Variants in ATP5PO observed in about 807,000 individuals in gnomAD.
The protein encoded by ATP5PO is ATP synthase peripheral stalk subunit OSCP.
Under a neutral mutation model 26.2 loss-of-function variants are expected in ATP5PO, and 14 were observed. The observed-to-expected ratio is 0.53, with a 90% CI of 0.35 to 0.83. ATP5PO has a LOEUF of 0.83. Ranked by LOEUF, ATP5PO falls within the 40% of genes least tolerant of loss-of-function variation. ATP5PO has a pLI of 0.01. For synonymous variants in ATP5PO, 106 were observed against 95.1 expected (o/e 1.12, Z -0.67); for missense variants, 241 against 258.5 (o/e 0.93, Z 0.46).
At chr21:33,914,069 C>T (rs1203404321) in intron 2 of ATP5PO, among the ~76,000 whole-genome samples, 3 of 152,020 alleles carry the variant, frequency 2.0e-5, no homozygotes, top group South Asian at 4.1e-4. Flanking sequence ...TGAGCCACCG[C>T]GCCCAGCCCG....
chr21:33,908,626 C>T (rs1987206668), intron 4 of ATP5PO, among the ~76,000 whole-genome samples: 1 of 151,978 alleles, frequency 6.6e-6, no homozygotes, highest in Non-Finnish European at 1.5e-5. Context: ...GGAGGATCAC[C>T]TGAGTCTGGG....
chr21:33,913,332 G>A (rs1201428306), intron 2 of ATP5PO, among the ~76,000 whole-genome samples: 1 of 152,148 alleles, frequency 6.6e-6, no homozygotes, highest in East Asian at 1.9e-4. Flanking sequence ...TCCTTTACAC[G>A]ATTTTTCCAA....
chr21:33,909,687 T>G (rs1425019709), intron 3 of ATP5PO, among the ~76,000 whole-genome samples: 3 of 152,204 alleles, frequency 2.0e-5, no homozygotes, highest in Non-Finnish European at 4.4e-5. Context: ...CACTGTGCAC[T>G]GCACCAGGAT....
chr21:33,914,212 T>C (rs551988410), intron 2 of ATP5PO, among the ~76,000 whole-genome samples: 9 of 151,652 alleles, frequency 5.9e-5, no homozygotes, highest in Non-Finnish European at 1.0e-4. Flanking sequence ...AGAGGGTTAA[T>C]GGAAAAACAA....
intron 2 of ATP5PO, among the ~76,000 whole-genome samples, chr21:33,913,984 C>T (rs7276986): frequency 0.013 from 1,936 of 152,056 alleles, 39 homozygotes; most frequent in African/African-American, 0.045. Flanking sequence ...TTCATCATGT[C>T]GGCCAGGCTG....
rs1463202256 is a variant in ATP5PO, at chr21:33,911,291, A to C, written c.198+998T>G. ...GCTTTTCATGTTTAAAAAAAAAAGT[A>C]AAAAACATCTTGCAGCAGCCTCACA... On this transcript the variant is annotated intron_variant, in intron 3 of 6. Transcript: ENST00000290299. 3.3e-5 allele frequency among the ~76,000 whole-genome samples: 5 copies of C among 152,316 alleles called. No homozygotes were observed. The South Asian group carries it at 1.0e-3, about 32-fold the overall frequency.
intron 3 of ATP5PO, among the ~76,000 whole-genome samples, chr21:33,911,202 C>T (rs925175487): frequency 2.0e-5 from 3 of 152,076 alleles, no homozygotes; most frequent in South Asian, 2.1e-4. Context: ...TCGGTGAAAA[C>T]GAAAGCAGAC....
chr21:33,907,296 C>A (rs757817771), intron 5 of ATP5PO, 45 bp downstream of exon 5: 2 of 1,497,016 alleles, frequency 1.3e-6, no homozygotes, highest in East Asian at 2.3e-5. Flanking sequence ...AAAGGTGACA[C>A]ATGTAATATC....
At chr21:33,914,828 T>G (rs1221170848) in intron 1 of ATP5PO, 1 of 257,970 alleles carries the variant, frequency 3.9e-6, no homozygotes, top group Non-Finnish European at 7.5e-6. Flanking sequence ...AATTTTGGCG[T>G]TTCTATTAAC....
chr21:33,909,096 G>C lies in ATP5PO; in HGVS notation c.314C>G (p.Thr105Ser). 6.2e-7 allele frequency: 1 copy of C among 1,611,302 alleles called. No homozygotes were observed. Residue 105 changes from threonine to serine, a missense_variant, in exon 4 of 7, where the codon ACT (threonine) becomes AGT (serine). By Grantham distance (58) the Thr-to-Ser change is moderately conservative (BLOSUM62 1). Coordinates refer to ENST00000290299, the MANE Select transcript of ATP5PO (RefSeq NM_001697.3). ...CTAATACTCACTGATCAGATTGGTA[G>C]TGAGGGGAGAGAACCTCTCTTTTGC... ...ITAKERFSPLTTNLINLLAEN... is the reference protein window; with the variant it reads ...ITAKERFSPLSTNLINLLAEN...
At chr21:33,907,254 A>T (rs922310229) in intron 5 of ATP5PO, 87 bp downstream of exon 5, 2 of 1,212,962 alleles carry the variant, frequency 1.6e-6, no homozygotes, top group East Asian at 4.7e-5. Context: ...CAATTTCTTG[A>T]TTTTACCCTG....
intron 1 of ATP5PO, 167 bp from the exon 2 acceptor site, chr21:33,914,667 A>G (rs1158034129): frequency 5.2e-6 from 3 of 579,332 alleles, no homozygotes; most frequent in East Asian, 6.1e-5. Context: ...CTAAGGGGTA[A>G]ACTTACCCAA....
At chr21:33,905,864 A>G (rs1013186057) in intron 5 of ATP5PO, among the ~76,000 whole-genome samples, 9 of 142,766 alleles carry the variant, frequency 6.3e-5, no homozygotes, top group Admixed American at 4.4e-4. Flanking sequence ...GTGAGCTAAG[A>G]TCGTGCCACT....
chr21:33,907,483 G>T, intron 4 of ATP5PO, 30 bp from the exon 5 acceptor site: 1 of 1,562,164 alleles, frequency 6.4e-7, no homozygotes, highest in Non-Finnish European at 8.8e-7. Flanking sequence ...TCAGTAACAA[G>T]AAACTCACCT....
intron 3 of ATP5PO, 105 bp downstream of exon 3, chr21:33,912,184 C>T: frequency 5.8e-6 from 5 of 856,264 alleles, no homozygotes; most frequent in South Asian, 4.9e-5. Flanking sequence ...TGGCTTTTTC[C>T]CAGTTTTTTC....
intron 3 of ATP5PO, 80 bp from the exon 4 acceptor site, chr21:33,909,291 C>CT: frequency 2.7e-6 from 4 of 1,477,404 alleles, no homozygotes; most frequent in Non-Finnish European, 3.7e-6. Context: ...TTCTTTCTTT[C>CT]TTTTTTGGAG....
intron 3 of ATP5PO, among the ~76,000 whole-genome samples, chr21:33,909,432 A>C (rs928567072): frequency 7.2e-6 from 1 of 139,020 alleles, no homozygotes; most frequent in African/African-American, 2.6e-5. Context: ...TGTCCCGCTA[A>C]TTTTTGTATT....
chr21:33,904,171 C>T, intron 5 of ATP5PO, 150 bp from the exon 6 acceptor site: 3 of 628,528 alleles, frequency 4.8e-6, no homozygotes, highest in East Asian at 6.0e-5. Context: ...GCAGCATTCA[C>T]TCCTTGTTCA....
intron 3 of ATP5PO, among the ~76,000 whole-genome samples, chr21:33,910,757 G>A (rs1056437660): frequency 6.6e-5 from 10 of 152,178 alleles, no homozygotes; most frequent in Non-Finnish European, 1.3e-4. Flanking sequence ...AATCATAAGA[G>A]TTTATCACAC....
Sources: allele counts gnomAD v4.1 joint callset (sites outside exome capture counted in the v4.1 genomes callset), GRCh38; gene constraint gnomAD v4.1.1; transcripts MANE v1.5; gene names NCBI Gene and HGNC (gene_info 2026-07-23, HGNC 2026-07-21).